Variants in DMD observed in about 807,000 individuals in gnomAD.
DMD encodes mutant dystrophin.
A neutral mutation model predicts 330.1 loss-of-function variants in DMD; 63 were observed. The observed-to-expected ratio is 0.19, with a 90% CI of 0.16 to 0.24. DMD has a LOEUF of 0.24. DMD is among the 10% of genes least tolerant of loss of function. The probability of loss-of-function intolerance (pLI) is 1.00; values close to 1 mark genes in which losing one functional copy is unlikely to be tolerated. For synonymous variants in DMD, 1,223 were observed against 959.8 expected (o/e 1.27, Z -5.07); for missense variants, 3,344 against 2,684.1 (o/e 1.25, Z -5.43).
At chrX:32,567,523 G>C (rs755973725) in intron 15 of DMD, among the ~76,000 whole-genome samples, 1 of 111,337 alleles carries the variant, frequency 9.0e-6, no homozygotes, top group Non-Finnish European at 1.9e-5. Flanking sequence ...AGCCTCACGA[G>C]TAGCTGGTAT....
chrX:32,265,917 G>T (rs1391717718), intron 43 of DMD, among the ~76,000 whole-genome samples: 2 of 111,620 alleles, frequency 1.8e-5, no homozygotes, highest in African/African-American at 6.5e-5. Context: ...ATGAGACTTT[G>T]GACTTGGACT....
intron 2 of DMD, among the ~76,000 whole-genome samples, chrX:32,912,108 AAAG>A (rs776335243): frequency 9.2e-6 from 1 of 108,603 alleles, no homozygotes; most frequent in South Asian, 4.2e-4. Context: ...GAGGAGGAGG[AAAG>A]AAGAAGGCAG....
intron 74 of DMD, among the ~76,000 whole-genome samples, chrX:31,158,437 G>A (rs1278274167): frequency 8.9e-6 from 1 of 111,934 alleles, no homozygotes; most frequent in Non-Finnish European, 1.9e-5. Context: ...ATTGTCTACT[G>A]CTAGGGCTGA....
chrX:31,343,382 G>T (rs1038402428), intron 61 of DMD, among the ~76,000 whole-genome samples: 1 of 110,985 alleles, frequency 9.0e-6, no homozygotes. Context: ...GTCTATCAGC[G>T]GAGAAGGGTC....
intron 62 of DMD, among the ~76,000 whole-genome samples, chrX:31,295,198 T>G (rs914964828): frequency 9.1e-6 from 1 of 109,750 alleles, no homozygotes; most frequent in African/African-American, 3.3e-5. Flanking sequence ...GGTTTCACCG[T>G]GTTAGCCAGG....
chrX:31,892,270 T>C (rs868570199), intron 47 of DMD, among the ~76,000 whole-genome samples: 2 of 111,772 alleles, frequency 1.8e-5, no homozygotes, highest in Middle Eastern at 4.6e-3. Context: ...TATGTCAACA[T>C]AAAAGCCAGA....
intron 29 of DMD, among the ~76,000 whole-genome samples, chrX:32,421,815 C>A (rs7064854): frequency 0.19 from 20,816 of 110,653 alleles, 1,886 homozygotes; most frequent in African/African-American, 0.35. Context: ...CTTGTCATAC[C>A]TCAGATATAG....
chrX:31,959,538 C>A (rs2095279617), intron 45 of DMD, among the ~76,000 whole-genome samples: 1 of 111,530 alleles, frequency 9.0e-6, no homozygotes, highest in Non-Finnish European at 1.9e-5. Context: ...GGGTCCGAGA[C>A]TTTTCCTGGA....
chrX:31,399,870 T>G (rs1439826745), intron 60 of DMD, among the ~76,000 whole-genome samples: 1 of 111,559 alleles, frequency 9.0e-6, no homozygotes, highest in Non-Finnish European at 1.9e-5. Flanking sequence ...AGTGTTTTTA[T>G]TTTTAGATAT....
chrX:33,115,731 G>A (rs955011478), intron 1 of DMD, among the ~76,000 whole-genome samples: 5 of 108,974 alleles, frequency 4.6e-5, no homozygotes, highest in Non-Finnish European at 9.5e-5. Flanking sequence ...TAGCCAGGAT[G>A]GTCTCGATCT....
intron 52 of DMD, among the ~76,000 whole-genome samples, chrX:31,708,533 G>A (rs1157753347): frequency 1.8e-5 from 2 of 111,320 alleles, no homozygotes; most frequent in Non-Finnish European, 3.8e-5. Context: ...ACAAAATTAG[G>A]ATCCTATGGC....
At chrX:32,564,783 T>C (rs778223351) in intron 16 of DMD, among the ~76,000 whole-genome samples, 1 of 111,706 alleles carries the variant, frequency 9.0e-6, no homozygotes, top group Non-Finnish European at 1.9e-5. Flanking sequence ...AAAAGGCATT[T>C]CCTAAGTGCT....
At chrX:31,991,062 T>C (rs1281778046) in intron 44 of DMD, among the ~76,000 whole-genome samples, 4 of 111,550 alleles carry the variant, frequency 3.6e-5, no homozygotes, top group Non-Finnish European at 7.5e-5. Context: ...TGAGAGTTGA[T>C]AAGACATGGT....
chrX:32,193,897 T>C (rs1038164816), intron 44 of DMD, among the ~76,000 whole-genome samples: 1 of 111,784 alleles, frequency 8.9e-6, no homozygotes, highest in African/African-American at 3.3e-5. Context: ...TCATTGATAA[T>C]TGGTAGACAT....
chrX:32,723,033 C>A (rs1456465317), intron 7 of DMD, among the ~76,000 whole-genome samples: 1 of 110,899 alleles, frequency 9.0e-6, no homozygotes, highest in Non-Finnish European at 1.9e-5. Flanking sequence ...TTCAGTACAA[C>A]CACCCCACAA....
At chrX:32,924,415 C>T (rs1361094055) in intron 2 of DMD, among the ~76,000 whole-genome samples, 1 of 111,040 alleles carries the variant, frequency 9.0e-6, no homozygotes, top group African/African-American at 3.3e-5. Flanking sequence ...GTCCCAGCTA[C>T]TCAGGAGGTG....
chrX:31,170,553 T>C (rs1313889320), intron 73 of DMD, among the ~76,000 whole-genome samples: 3 of 111,864 alleles, frequency 2.7e-5, no homozygotes, highest in Admixed American at 9.5e-5. Flanking sequence ...GATACGCTAA[T>C]ATTCTCCTCT....
intron 2 of DMD, among the ~76,000 whole-genome samples, chrX:32,874,996 T>A (rs767013046): frequency 1.4e-3 from 155 of 111,489 alleles, no homozygotes; most frequent in Non-Finnish European, 2.3e-3. Flanking sequence ...CCACACAGAG[T>A]AGAAAAATCA....
intron 11 of DMD, among the ~76,000 whole-genome samples, chrX:32,619,650 G>C (rs2057842559): frequency 8.9e-6 from 1 of 111,785 alleles, no homozygotes; most frequent in African/African-American, 3.3e-5. Flanking sequence ...AAATATAAAA[G>C]TTGGGTCTGT....
Sources: allele counts gnomAD v4.1 joint callset (sites outside exome capture counted in the v4.1 genomes callset), GRCh38; gene constraint gnomAD v4.1.1; transcripts MANE v1.5; gene names NCBI Gene and HGNC (gene_info 2026-07-23, HGNC 2026-07-21).